Variants in TLE1 observed in about 807,000 individuals in gnomAD.
TLE1 encodes transducin-like enhancer protein 1.
TLE1 carries 21 observed loss-of-function variants against 89.8 expected under a neutral mutation model. The observed-to-expected ratio is 0.23, with a 90% CI of 0.17 to 0.34. The LOEUF (loss-of-function observed/expected upper bound fraction) is 0.34. TLE1 is among the 10% of genes least tolerant of loss of function. TLE1 has a pLI of 1.00. For missense variants in TLE1, 795 were observed against 1,031.2 expected (o/e 0.77, Z 3.14); for synonymous variants, 447 against 407.6 (o/e 1.10, Z -1.16).
chr9:81,594,903 T>G, intron 14 of TLE1, among the ~76,000 whole-genome samples: 1 of 152,232 alleles, frequency 6.6e-6, no homozygotes, highest in East Asian at 1.9e-4. Flanking sequence ...TGCATGCTAT[T>G]ATCTTCCCTC....
Position 81,593,057 on chromosome 9 carries a change from T to C in TLE1, c.1549A>G (p.Asn517Asp). ...TCGAGCTGGGAGACAGGGCTCTTATTGCCAGGGTGGCTGATGTCCCAGACC... is the reference window on the plus strand; with the variant it reads ...TCGAGCTGGGAGACAGGGCTCTTATCGCCAGGGTGGCTGATGTCCCAGACC... ...VKVWDISHPG[N>D]KSPVSQLDCL... Residue 517 changes from asparagine (N) to aspartate (D), a missense_variant, in exon 15 of 20, where the codon AAT (asparagine) becomes GAT (aspartate). Physicochemically the swap from Asn to Asp is conservative, Grantham distance 23. Around this residue, in one of 4 missense-constraint regions of TLE1, gnomAD observed 214 missense variants for 354.9 expected, o/e 0.60. Coordinates refer to ENST00000376499, the MANE Select transcript of TLE1 (RefSeq NM_005077.5). The C allele has an allele frequency of 6.2e-7, 1 of 1,613,938 alleles. No individual in the cohort carries two copies. Among genetic ancestry groups the C allele is most frequent in the Non-Finnish European group, 8.5e-7 (1 of 1,179,846 alleles).
At chr9:81,674,289 T>C (rs1832613398) in intron 4 of TLE1, among the ~76,000 whole-genome samples, 1 of 152,232 alleles carries the variant, frequency 6.6e-6, no homozygotes, top group African/African-American at 2.4e-5. Context: ...TCTGTGCGTG[T>C]CAATACACTG....
At chr9:81,654,515 C>A (rs183143752) in intron 4 of TLE1, among the ~76,000 whole-genome samples, 1 of 151,986 alleles carries the variant, frequency 6.6e-6, no homozygotes, top group African/African-American at 2.4e-5. Flanking sequence ...TAATTTTTTT[C>A]TATTTTTAGT....
intron 14 of TLE1, among the ~76,000 whole-genome samples, chr9:81,601,713 A>T (rs1294920325): frequency 6.6e-6 from 1 of 152,222 alleles, no homozygotes; most frequent in Non-Finnish European, 1.5e-5. Context: ...GTTATGCTGA[A>T]CTAAACAATA....
At chr9:81,638,200 TCCC>T (rs1022162576) in intron 6 of TLE1, among the ~76,000 whole-genome samples, 1 of 151,974 alleles carries the variant, frequency 6.6e-6, no homozygotes, top group Non-Finnish European at 1.5e-5. Context: ...CCATCTCCTG[TCCC>T]CCCTTCTCAA....
At chr9:81,641,787 C>T (rs1034764989) in intron 6 of TLE1, among the ~76,000 whole-genome samples, 9 of 152,304 alleles carry the variant, frequency 5.9e-5, no homozygotes, top group Admixed American at 4.6e-4. Flanking sequence ...CTTTGGGAGG[C>T]CGAGGTGGAC....
chr9:81,670,829 T>C (rs1832126575), intron 4 of TLE1, among the ~76,000 whole-genome samples: 1 of 152,044 alleles, frequency 6.6e-6, no homozygotes, highest in Non-Finnish European at 1.5e-5. Flanking sequence ...CATTGATCTG[T>C]CTGGGACCCT....
chr9:81,596,010 T>G (rs570285784), intron 14 of TLE1, among the ~76,000 whole-genome samples: 331 of 152,132 alleles, frequency 2.2e-3, no homozygotes, highest in Non-Finnish European at 3.5e-3. Flanking sequence ...CAGGTTTCCA[T>G]GAGGCACCCT....
intron 4 of TLE1, among the ~76,000 whole-genome samples, chr9:81,684,961 T>C (rs192522551): frequency 6.6e-6 from 1 of 152,214 alleles, no homozygotes; most frequent in East Asian, 1.9e-4. Context: ...ACTCTTTTTA[T>C]ACACCATTAT....
intron 14 of TLE1, among the ~76,000 whole-genome samples, chr9:81,607,146 C>T (rs1831799774): frequency 6.6e-6 from 1 of 151,660 alleles, no homozygotes; most frequent in Admixed American, 6.6e-5. Context: ...CGATTTTGAC[C>T]AAGATGAGAA....
intron 15 of TLE1, among the ~76,000 whole-genome samples, chr9:81,592,163 T>G (rs923065097): frequency 2.6e-5 from 4 of 152,036 alleles, no homozygotes; most frequent in African/African-American, 9.7e-5. Context: ...TCGAGACCAT[T>G]CTGGCTAACA....
chr9:81,668,160 T>A (rs1221525163), intron 4 of TLE1, among the ~76,000 whole-genome samples: 1 of 100,804 alleles, frequency 9.9e-6, no homozygotes, highest in Non-Finnish European at 1.9e-5. Context: ...AGAACAAGAC[T>A]GCATCTCGAA....
intron 4 of TLE1, among the ~76,000 whole-genome samples, chr9:81,675,708 G>GTTTTGTTTTTTTTT (rs1832807105): frequency 2.3e-5 from 3 of 132,440 alleles, no homozygotes; most frequent in African/African-American, 9.1e-5. Context: ...GTTTTTTTTT[G>GTTTTGTTTTTTTTT]TTTTTTTTTT....
chr9:81,610,154 A>C, intron 14 of TLE1, 66 bp downstream of exon 14: 1 of 1,390,314 alleles, frequency 7.2e-7, no homozygotes, highest in Non-Finnish European at 1.0e-6. Flanking sequence ...TTGGAATTCT[A>C]GTCTGCTAAT....
chr9:81,655,403 C>T (rs1012748096), intron 4 of TLE1, among the ~76,000 whole-genome samples: 13 of 152,060 alleles, frequency 8.5e-5, no homozygotes, highest in Admixed American at 2.6e-4. Context: ...ACCTTTGCTC[C>T]GCTCCACATC....
chr9:81,686,158 T>C (rs986997845), intron 2 of TLE1, among the ~76,000 whole-genome samples: 3 of 152,154 alleles, frequency 2.0e-5, no homozygotes, highest in African/African-American at 7.2e-5. Flanking sequence ...TCAGAACCTC[T>C]AACTGATTCC....
intron 9 of TLE1, among the ~76,000 whole-genome samples, chr9:81,618,222 A>G (rs983159152): frequency 6.6e-6 from 1 of 152,212 alleles, no homozygotes; most frequent in Admixed American, 6.5e-5. Context: ...GAGGTCCTGA[A>G]TTTATGATCT....
intron 11 of TLE1, among the ~76,000 whole-genome samples, chr9:81,615,577 G>T (rs1405828023): frequency 6.6e-6 from 1 of 150,592 alleles, no homozygotes; most frequent in Non-Finnish European, 1.5e-5. Flanking sequence ...GCTGGGCATG[G>T]TCGCGCGCGC....
rs536870368 is a variant in TLE1, at chr9:81,628,809, T to G, written c.594+4539A>C. Among the ~76,000 whole-genome samples the G allele has an allele frequency of 5.3e-5, 8 of 152,276 alleles. No individual in the cohort carries two copies. The East Asian group carries it at 9.7e-4, about 18-fold the overall frequency. ...CCCAGCCTCCTTGATAAAACCATGG[T>G]GCTGTGCCATATGACCTGAAAGACA... On this transcript the variant is annotated intron_variant, in intron 8 of 19. Coordinates refer to ENST00000376499, the MANE Select transcript of TLE1 (RefSeq NM_005077.5).
Sources: allele counts gnomAD v4.1 joint callset (sites outside exome capture counted in the v4.1 genomes callset), GRCh38; gene constraint gnomAD v4.1.1; regional missense constraint gnomAD v4.1.1; transcripts MANE v1.5; gene names NCBI Gene and HGNC (gene_info 2026-07-23, HGNC 2026-07-21).